Variants in ARHGAP15 observed in about 807,000 individuals in gnomAD.
ARHGAP15 encodes the protein Rho GTPase activating protein 15.
A neutral mutation model predicts 63.7 loss-of-function variants in ARHGAP15; 51 were observed. That is an observed-to-expected ratio of 0.80 (90% CI 0.64 to 1.01). The LOEUF (loss-of-function observed/expected upper bound fraction) is 1.01, where lower values mean the gene tolerates loss of function less well. ARHGAP15 is among the 50% of genes least tolerant of loss of function. The probability of loss-of-function intolerance (pLI) is 0.00; values close to 1 mark genes in which losing one functional copy is unlikely to be tolerated. For missense variants in ARHGAP15, 560 were observed against 564.6 expected, an observed-to-expected ratio of 0.99 and a Z score of 0.08; for synonymous variants, 191 against 193.8, an observed-to-expected ratio of 0.99 and a Z score of 0.12.
At chr2:143,694,084 T>G (rs1683735583) in intron 12 of ARHGAP15, among the ~76,000 whole-genome samples, 1 of 152,192 alleles carries the variant, frequency 6.6e-6, no homozygotes, top group Non-Finnish European at 1.5e-5. Context: ...TGCAGGAAAG[T>G]TTCTTAACTA....
chr2:143,521,115 A>G (rs1460125647), intron 10 of ARHGAP15, among the ~76,000 whole-genome samples: 1 of 152,204 alleles, frequency 6.6e-6, no homozygotes, highest in Non-Finnish European at 1.5e-5. Flanking sequence ...TCTTAAAATG[A>G]ATTTGTAGAT....
At chr2:143,452,061 A>G (rs752778070) in intron 8 of ARHGAP15, among the ~76,000 whole-genome samples, 10 of 151,956 alleles carry the variant, frequency 6.6e-5, no homozygotes, top group Non-Finnish European at 1.3e-4. Context: ...TTCAATTTAC[A>G]TTGGATGTGA....
chr2:143,450,451 C>G (rs946900434), intron 8 of ARHGAP15, among the ~76,000 whole-genome samples: 1 of 151,704 alleles, frequency 6.6e-6, no homozygotes, highest in Non-Finnish European at 1.5e-5. Context: ...AGTTGAAGAG[C>G]ATGTTGGAAT....
intron 11 of ARHGAP15, among the ~76,000 whole-genome samples, chr2:143,602,409 G>A (rs1026440823): frequency 6.6e-6 from 1 of 152,126 alleles, no homozygotes; most frequent in African/African-American, 2.4e-5. Flanking sequence ...AAATACAGTT[G>A]CATTCCAAAA....
At chr2:143,376,591 AACATGT>A (rs1428941102) in intron 6 of ARHGAP15, among the ~76,000 whole-genome samples, 1 of 152,180 alleles carries the variant, frequency 6.6e-6, no homozygotes, top group Non-Finnish European at 1.5e-5. Flanking sequence ...TTCAGAAAGT[AACATGT>A]ACCGTGGAAG....
chr2:143,461,296 A>AC (rs1338905207), intron 8 of ARHGAP15, among the ~76,000 whole-genome samples: 2 of 150,764 alleles, frequency 1.3e-5, no homozygotes, highest in Non-Finnish European at 3.0e-5. Context: ...AAAAAAAAAA[A>AC]AAAAAAAAAA....
At chr2:143,413,968 C>CGCGCGCGCGT (rs1688571372) in intron 6 of ARHGAP15, among the ~76,000 whole-genome samples, 2 of 31,090 alleles carry the variant, frequency 6.4e-5, no homozygotes, top group Non-Finnish European at 1.4e-4. Context: ...TGTGTGTGTG[C>CGCGCGCGCGT]GCGCTCTCTG....
chr2:143,664,497 A>T (rs1254378276), intron 12 of ARHGAP15, among the ~76,000 whole-genome samples: 2 of 152,082 alleles, frequency 1.3e-5, no homozygotes, highest in Non-Finnish European at 2.9e-5. Flanking sequence ...CTAACATCAC[A>T]ATTAAAAGAA....
At chr2:143,223,445 T>A (rs959877346) in intron 4 of ARHGAP15, among the ~76,000 whole-genome samples, 3 of 152,178 alleles carry the variant, frequency 2.0e-5, no homozygotes, top group Non-Finnish European at 2.9e-5. Flanking sequence ...CTGTGTGTCT[T>A]AGTTACCCCT....
In ARHGAP15 at chr2:143,765,497, C is replaced by T. The variant is rs543082634; in HGVS notation, c.1245-2492C>T. Among the ~76,000 whole-genome samples, 15 of 152,262 alleles carry T rather than the reference C, an allele frequency of 9.9e-5. No homozygotes were observed. The South Asian group carries it at 3.1e-3, about 32-fold the overall frequency. On this transcript the variant is annotated intron_variant, in intron 13 of 13. Transcript: ENST00000295095. The stretch of plus-strand genomic sequence containing the variant: ...TGAGGATCCCTTCCAGAAATGTAGC[C>T]ATGCCAACAGTGCTCACAGGTACAA...
chr2:143,596,083 G>A (rs1299965622), intron 11 of ARHGAP15, among the ~76,000 whole-genome samples: 1 of 152,030 alleles, frequency 6.6e-6, no homozygotes, highest in African/African-American at 2.4e-5. Context: ...AGATGGTGTT[G>A]GTTCTATTCT....
At position 143,574,179 on chromosome 2, in the gene ARHGAP15, C is replaced by T. The variant is rs1185872978; in HGVS notation, c.1003+17694C>T. On this transcript the variant is annotated intron_variant, in intron 11 of 13. Transcript: ENST00000295095. Reference sequence around the variant, plus strand: ...AGCCACACTGACACTCACTCACACACATCCCTTAGAGTTTGGAATCATCTC... The same window carrying T: ...AGCCACACTGACACTCACTCACACATATCCCTTAGAGTTTGGAATCATCTC... 3.3e-5 allele frequency among the ~76,000 whole-genome samples: 5 copies of T among 152,266 alleles called. No individual in the cohort carries two copies. In the East Asian group the frequency reaches 9.7e-4, roughly 29 times the overall value.
intron 2 of ARHGAP15, among the ~76,000 whole-genome samples, chr2:143,193,812 A>G (rs1050300869): frequency 1.3e-5 from 2 of 152,176 alleles, no homozygotes; most frequent in African/African-American, 4.8e-5. Context: ...GTGGGTAGAT[A>G]TCTTTGTCAA....
chr2:143,204,546 C>A (rs1235695430), intron 3 of ARHGAP15, among the ~76,000 whole-genome samples: 1 of 152,168 alleles, frequency 6.6e-6, no homozygotes, highest in Admixed American at 6.5e-5. Context: ...ACCTAATTAC[C>A]TCCTAGTAAC....
chr2:143,657,092 A>T (rs1297871723), intron 12 of ARHGAP15, among the ~76,000 whole-genome samples: 6 of 152,182 alleles, frequency 3.9e-5, no homozygotes, highest in African/African-American at 7.2e-5. Flanking sequence ...CACGCCTGTA[A>T]TCCCAGCACT....
intron 4 of ARHGAP15, among the ~76,000 whole-genome samples, chr2:143,220,936 G>A (rs908646069): frequency 3.3e-5 from 5 of 152,062 alleles, no homozygotes; most frequent in African/African-American, 1.2e-4. Context: ...TATAAATGGA[G>A]AAACTCAGTC....
At chr2:143,663,574 T>G (rs190601188) in intron 12 of ARHGAP15, among the ~76,000 whole-genome samples, 1,531 of 151,542 alleles carry the variant, frequency 0.01, 8 homozygotes, top group Non-Finnish European at 0.014. Flanking sequence ...AATATTAACT[T>G]TAAATGTAAA....
intron 9 of ARHGAP15, among the ~76,000 whole-genome samples, chr2:143,507,887 C>A (rs1052675127): frequency 3.1e-4 from 47 of 152,226 alleles, no homozygotes; most frequent in African/African-American, 1.0e-3. Flanking sequence ...CCATTGGATT[C>A]ATTCTTACCC....
chr2:143,234,639 C>T (rs932899319), intron 5 of ARHGAP15, among the ~76,000 whole-genome samples: 1 of 152,176 alleles, frequency 6.6e-6, no homozygotes, highest in Non-Finnish European at 1.5e-5. Flanking sequence ...TTTTACATTG[C>T]TCATCTACCA....
Sources: allele counts gnomAD v4.1 joint callset (sites outside exome capture counted in the v4.1 genomes callset), GRCh38; gene constraint gnomAD v4.1.1; transcripts MANE v1.5; gene names NCBI Gene and HGNC (gene_info 2026-07-23, HGNC 2026-07-21).